The following DNAH7 variants were observed in gnomAD, a reference collection of about 807,000 sequenced individuals.
DNAH7 encodes the protein dynein axonemal heavy chain 7.
Under a neutral mutation model 444.6 loss-of-function variants are expected in DNAH7, and 397 were observed. The observed-to-expected ratio is 0.89, with a 90% CI of 0.82 to 0.97. The LOEUF (loss-of-function observed/expected upper bound fraction) is 0.97, where lower values mean the gene tolerates loss of function less well. Among genes scored for constraint, DNAH7 ranks in the 50% least tolerant of loss-of-function variants. The pLI is 0.00. For synonymous variants in DNAH7, 1,636 were observed against 1,624.4 expected, an observed-to-expected ratio of 1.01 and a Z score of -0.17; for missense variants, 4,902 against 4,800.8, an observed-to-expected ratio of 1.02 and a Z score of -0.62.
At chr2:195,764,984 T>C (rs1237936211) in intron 61 of DNAH7, among the ~76,000 whole-genome samples, 1 of 151,974 alleles carries the variant, frequency 6.6e-6, no homozygotes, top group African/African-American at 2.4e-5. Context: ...TGATTTCAAA[T>C]TATACTACAG....
At chr2:195,850,297 A>C (rs202244010) in intron 46 of DNAH7, among the ~76,000 whole-genome samples, 1 of 150,770 alleles carries the variant, frequency 6.6e-6, no homozygotes, top group South Asian at 2.1e-4. Context: ...AAAAAAAAAA[A>C]GGGGAGAGAG....
chr2:195,866,087 T>C (rs115988548), intron 40 of DNAH7, among the ~76,000 whole-genome samples: 2,576 of 152,314 alleles, frequency 0.017, 67 homozygotes, highest in African/African-American at 0.058. Context: ...GAACGTTGGA[T>C]CCTTACTCTG....
intron 63 of DNAH7, among the ~76,000 whole-genome samples, chr2:195,742,444 T>G (rs961002180): frequency 6.6e-6 from 1 of 152,150 alleles, no homozygotes; most frequent in Non-Finnish European, 1.5e-5. Flanking sequence ...TAATAGAAAG[T>G]AAACAAAAGA....
chr2:195,960,868 A>T lies in DNAH7; in HGVS notation c.2283T>A (p.Asp761Glu). 1.2e-6 allele frequency: 2 copies of T among 1,613,908 alleles called. No individual in the cohort carries two copies. Among genetic ancestry groups the T allele is most frequent in the Non-Finnish European group, 1.7e-6 (2 of 1,179,884 alleles). The change falls in exon 18 of 65, where the codon GAT becomes GAA. Residue 761 changes from aspartate to glutamate, a missense_variant. Transcript: ENST00000312428. Reference protein sequence around the residue: ...SVYPQRKKIQDGLNPYLRLYE... With the variant: ...SVYPQRKKIQEGLNPYLRLYE... ...AAAGACGAAGATAAGGGTTCAAGCC[A>T]TCTTGGATTTTTTTACGTTGAGGAT... is the stretch of plus-strand genomic sequence containing the variant.
chr2:195,941,029 C>A (rs1689398006), intron 19 of DNAH7, among the ~76,000 whole-genome samples: 1 of 152,006 alleles, frequency 6.6e-6, no homozygotes, highest in Admixed American at 6.6e-5. Flanking sequence ...TAGGTATATA[C>A]CCAAAGGATT....
At chr2:195,844,398 T>C (rs1487855690) in intron 47 of DNAH7, among the ~76,000 whole-genome samples, 1 of 152,144 alleles carries the variant, frequency 6.6e-6, no homozygotes, top group Non-Finnish European at 1.5e-5. Flanking sequence ...TAATACAAGA[T>C]TGTCCTCACA....
Position 195,806,381 on chromosome 2 carries a change from C to T in DNAH7, c.10176+359G>A, listed in dbSNP as rs114983046. On this transcript the variant is annotated intron_variant, in intron 54 of 64. Transcript: ENST00000312428. ...ATAGCACTTGAGAAGTCCACAGATTCTAGTCTATCAGCTTGATGTTGACAT... is the reference window on the plus strand; with the variant it reads ...ATAGCACTTGAGAAGTCCACAGATTTTAGTCTATCAGCTTGATGTTGACAT... 4.5e-3 allele frequency among the ~76,000 whole-genome samples: 681 copies of T among 152,254 alleles called. 9 individuals are homozygous for T. The highest frequency in any genetic ancestry group is 0.016 in the African/African-American group (654 of 41,540).
intron 15 of DNAH7, among the ~76,000 whole-genome samples, chr2:195,975,029 A>G (rs775618526): frequency 3.3e-5 from 5 of 152,208 alleles, no homozygotes; most frequent in Non-Finnish European, 7.3e-5. Context: ...CTTTAAAATC[A>G]GGATCGAGGC....
intron 46 of DNAH7, among the ~76,000 whole-genome samples, chr2:195,852,120 T>G (rs1188205834): frequency 6.6e-6 from 1 of 151,968 alleles, no homozygotes; most frequent in Non-Finnish European, 1.5e-5. Flanking sequence ...TAGCCAGGCG[T>G]GGTGGCGGGC....
chr2:195,816,740 G>C lies in DNAH7; in HGVS notation c.9649C>G (p.Leu3217Val). 4 of 1,614,168 alleles carry C rather than the reference G, an allele frequency of 2.5e-6. No homozygotes were observed. Among genetic ancestry groups the C allele is most frequent in the Non-Finnish European group, 3.4e-6 (4 of 1,180,020 alleles). The change falls in exon 51 of 65, where the codon CTT becomes GTT. Residue 3217 changes from leucine (L) to valine (V), a missense_variant. Coordinates refer to ENST00000312428, the MANE Select transcript of DNAH7 (RefSeq NM_018897.3). ...AIHSSILFFS[L>V]ADLANIEPMY... ...GGCTCAATGTTGGCTAAATCAGCAA[G>C]AGAAAAAAATAGGATGGAAGAATGG... is the stretch of plus-strand genomic sequence containing the variant.
At chr2:195,938,489 T>TG (rs1689208937) in intron 19 of DNAH7, among the ~76,000 whole-genome samples, 1 of 151,160 alleles carries the variant, frequency 6.6e-6, no homozygotes, top group African/African-American at 2.4e-5. Context: ...TGTATTTGTT[T>TG]GGGGAAAAAA....
intron 61 of DNAH7, among the ~76,000 whole-genome samples, chr2:195,770,939 T>A (rs1306688026): frequency 6.6e-6 from 1 of 151,176 alleles, no homozygotes; most frequent in Non-Finnish European, 1.5e-5. Context: ...CAAGCAGTCC[T>A]CCCACCTTGG....
intron 1 of DNAH7, among the ~76,000 whole-genome samples, chr2:196,060,654 T>A (rs1698085274): frequency 6.6e-6 from 1 of 152,162 alleles, no homozygotes; most frequent in South Asian, 2.1e-4. Flanking sequence ...AATCCTATAT[T>A]CCCTCTAGCA....
chr2:196,048,165 G>A (rs1021847472), intron 4 of DNAH7, 131 bp downstream of exon 4: 8 of 671,792 alleles, frequency 1.2e-5, no homozygotes, highest in Non-Finnish European at 1.9e-5. Flanking sequence ...AAGATGTATT[G>A]GGAAAATTTT....
chr2:195,747,063 G>A (rs556692327), intron 63 of DNAH7, among the ~76,000 whole-genome samples: 1 of 152,102 alleles, frequency 6.6e-6, no homozygotes, highest in Non-Finnish European at 1.5e-5. Context: ...CCAGGAGCTG[G>A]TTTTTTTGAA....
intron 12 of DNAH7, among the ~76,000 whole-genome samples, chr2:195,996,428 C>CTT (rs5837486): frequency 3.1e-4 from 45 of 144,660 alleles, no homozygotes; most frequent in Non-Finnish European, 3.5e-4. Context: ...CCAACTTAAT[C>CTT]TTTTTTTTTT....
intron 12 of DNAH7, among the ~76,000 whole-genome samples, chr2:195,991,562 T>C (rs1450576944): frequency 1.3e-5 from 2 of 152,226 alleles, no homozygotes; most frequent in African/African-American, 4.8e-5. Flanking sequence ...GCTATTTTTG[T>C]ACAAAATTGC....
rs1424580652 is a variant in DNAH7 at position 195,796,815 on chromosome 2, A to G, written c.10354-78T>C. 5.5e-6 allele frequency: 8 copies of G among 1,445,870 alleles called. No homozygotes were observed. In the East Asian group the frequency reaches 1.4e-4, roughly 26 times the overall value. 89.6% of individuals were successfully genotyped at this position (1,445,870 alleles called of 1,614,324 possible). A position where few individuals can be genotyped will look rare whatever the true frequency, so the allele number is the denominator to read the frequency against. On this transcript the variant is annotated intron_variant, in intron 55 of 64. Transcript: ENST00000312428. The stretch of plus-strand genomic sequence containing the variant: ...CAATATTGTTTTTTTAAAAGTTAAC[A>G]TTGACTATATTACAACTTAATTGGG...
chr2:196,064,877 G>A (rs1048982318), intron 1 of DNAH7, among the ~76,000 whole-genome samples: 1 of 152,128 alleles, frequency 6.6e-6, no homozygotes, highest in Non-Finnish European at 1.5e-5. Context: ...TACAAAAGAT[G>A]TCTCAGCGAA....
Sources: gnomAD v4.1 joint callset for allele counts (sites outside exome capture counted in the v4.1 genomes callset) on GRCh38, gnomAD v4.1.1 for gene constraint, MANE v1.5 for transcripts, NCBI Gene and HGNC (gene_info 2026-07-23, HGNC 2026-07-21) for gene names.